PLD5: variants seen among roughly 807,000 people sequenced by gnomAD.
PLD5 encodes the protein phospholipase D family member 5.
PLD5 carries 36 observed loss-of-function variants against 61.1 expected under a neutral mutation model. The ratio of observed to expected loss-of-function variants is 0.59; its 90% CI spans 0.45 to 0.78. The LOEUF (loss-of-function observed/expected upper bound fraction) is 0.78, where lower values mean the gene tolerates loss of function less well. Ranked by LOEUF, PLD5 falls within the 30% of genes least tolerant of loss-of-function variation. The probability of loss-of-function intolerance (pLI) is 0.00; values close to 1 mark genes in which losing one functional copy is unlikely to be tolerated. For missense variants in PLD5, 515 were observed against 644.4 expected (o/e 0.80, Z 2.17); for synonymous variants, 243 against 242.8 (o/e 1.00, Z -0.01).
chr1:242,122,054 C>T (rs187876835), intron 6 of PLD5, among the ~76,000 whole-genome samples: 169 of 152,212 alleles, frequency 1.1e-3, no homozygotes, highest in Admixed American at 2.4e-3. Context: ...CAAACCTGCA[C>T]GTTGTGCACA....
chr1:242,112,380 C>G (rs1661600655), intron 7 of PLD5, among the ~76,000 whole-genome samples: 1 of 146,278 alleles, frequency 6.8e-6, no homozygotes, highest in African/African-American at 2.6e-5. Context: ...GTTGCCCAGG[C>G]TGGAGTACAG....
intron 5 of PLD5, among the ~76,000 whole-genome samples, chr1:242,206,859 C>T (rs1160705663): frequency 6.6e-6 from 1 of 152,050 alleles, no homozygotes; most frequent in Non-Finnish European, 1.5e-5. Flanking sequence ...AAAAAAAGTG[C>T]ATATAAGCAG....
At chr1:242,157,775 G>C (rs1008412909) in intron 5 of PLD5, among the ~76,000 whole-genome samples, 2 of 152,206 alleles carry the variant, frequency 1.3e-5, no homozygotes, top group East Asian at 1.9e-4. Context: ...GTGTCTCCCA[G>C]TCAGGATACA....
rs540178453 is a variant in PLD5, at chr1:242,135,218, A to AAT, written c.736-10555_736-10554dup. Among the ~76,000 whole-genome samples, 53 of 152,104 alleles carry AAT rather than the reference A, an allele frequency of 3.5e-4. 1 individual carries two copies. The highest frequency in any genetic ancestry group is 3.3e-3 in the South Asian group (16 of 4,802). On this transcript the variant is annotated intron_variant, in intron 5 of 9. Coordinates refer to ENST00000536534, the MANE Select transcript of PLD5 (RefSeq NM_001372062.1). ...ATACAGACATTTATATCTGCACATA[A>AAT]ATATATATATATGTATAATCAGCTT... is the stretch of plus-strand genomic sequence containing the variant.
At chr1:242,135,366 C>A (rs1034320665) in intron 5 of PLD5, among the ~76,000 whole-genome samples, 11 of 152,146 alleles carry the variant, frequency 7.2e-5, no homozygotes, top group Non-Finnish European at 1.5e-4. Context: ...TTCTGCCATA[C>A]CTTCTGCCAC....
At position 242,524,391 on chromosome 1, in the gene PLD5, TGAGCTGGAG is replaced by T; in HGVS notation, c.-124_-116del. On this transcript the variant is annotated 5_prime_UTR_variant, in exon 1 of 10. Coordinates refer to ENST00000536534, the MANE Select transcript of PLD5 (RefSeq NM_001372062.1). ...GGGAGCCGGAGGTGGAGCTGGAGAC[TGAGCTGGAG>T]GAGCTGGAGGAGCGAGCGGGCGCGG... 2.6e-5 allele frequency: 27 copies of T among 1,056,760 alleles called. No homozygotes were observed. Among genetic ancestry groups the T allele is most frequent in the East Asian group, 1.3e-4 (4 of 30,230 alleles). The allele number at this position is 1,056,760 out of a possible 1,614,324, so 65.5% of individuals were successfully genotyped here.
At chr1:242,340,353 C>T (rs1659758848) in intron 2 of PLD5, among the ~76,000 whole-genome samples, 1 of 151,966 alleles carries the variant, frequency 6.6e-6, no homozygotes, top group Non-Finnish European at 1.5e-5. Flanking sequence ...TTGGGAGCAA[C>T]ACTGTAATTT....
chr1:242,207,794 A>T lies in PLD5; in HGVS notation c.735+12194T>A, dbSNP rs367746235. ...TATATTTATATATATTTATATTTAT[A>T]TATATTTATATATATTTATATTTAT... On this transcript the variant is annotated intron_variant, in intron 5 of 9. Coordinates refer to ENST00000536534, the MANE Select transcript of PLD5 (RefSeq NM_001372062.1). 3.6e-3 allele frequency among the ~76,000 whole-genome samples: 325 copies of T among 91,296 alleles called. 18 individuals are homozygous for T. The highest frequency in any genetic ancestry group is 5.2e-3 in the Middle Eastern group (1 of 194). The allele number at this position is 91,296 out of a possible 152,430, so 59.9% of individuals were successfully genotyped here.
intron 5 of PLD5, among the ~76,000 whole-genome samples, chr1:242,218,848 A>G (rs148354691): frequency 5.4e-4 from 83 of 152,330 alleles, no homozygotes; most frequent in African/African-American, 1.9e-3. Flanking sequence ...AGATAAAATT[A>G]TAAGAGGAGT....
rs72761232 is a variant in PLD5, at chr1:242,118,187, G to A, written c.934-4161C>T. Among the ~76,000 whole-genome samples the A allele has an allele frequency of 8.5e-3, 1,297 of 152,270 alleles. 12 individuals are homozygous for A. The highest frequency in any genetic ancestry group is 0.013 in the Non-Finnish European group (903 of 68,026). On this transcript the variant is annotated intron_variant, in intron 6 of 9. Coordinates refer to ENST00000536534, the MANE Select transcript of PLD5 (RefSeq NM_001372062.1). ...CCAGACTCCAGCACTTAGAACCTGG[G>A]GCATCTTGGTGTGTCCCTTACACTT...
rs1296211458 is a variant in PLD5, at chr1:242,088,164, A to C, written c.*1690T>G. ...AATAACTGAGTGTTTCCTTGCTCTGAAAATACATGTATATTATGGTCCTGA... is the reference window on the plus strand; with the variant it reads ...AATAACTGAGTGTTTCCTTGCTCTGCAAATACATGTATATTATGGTCCTGA... On this transcript the variant is annotated 3_prime_UTR_variant, in exon 10 of 10. Coordinates refer to ENST00000536534, the MANE Select transcript of PLD5 (RefSeq NM_001372062.1). 2 of 152,236 alleles carry C rather than the reference A, an allele frequency of 1.3e-5. No homozygotes were observed. Among genetic ancestry groups the C allele is most frequent in the Non-Finnish European group, 2.9e-5 (2 of 68,044 alleles). The allele number at this position is 152,236 out of a possible 1,614,324, so 9.4% of individuals were successfully genotyped here.
chr1:242,150,682 G>T lies in PLD5; in HGVS notation c.736-26017C>A, dbSNP rs1244904930. Among the ~76,000 whole-genome samples the T allele has an allele frequency of 1.3e-5, 2 of 151,600 alleles. 1 individual carries two copies. The highest frequency in any genetic ancestry group is 4.8e-5 in the African/African-American group (2 of 41,348). On this transcript the variant is annotated intron_variant, in intron 5 of 9. Coordinates refer to ENST00000536534, the MANE Select transcript of PLD5 (RefSeq NM_001372062.1). ...AATTTTTAGAATCTTTTCATTTTTA[G>T]CCTATTTATATTTAAAGTGGCTTTT... is the stretch of plus-strand genomic sequence containing the variant.
chr1:242,401,092 C>T (rs1346584497), intron 1 of PLD5, among the ~76,000 whole-genome samples: 2 of 152,166 alleles, frequency 1.3e-5, no homozygotes, highest in African/African-American at 4.8e-5. Flanking sequence ...AAATTCTGTT[C>T]TTCCTCCCAT....
intron 5 of PLD5, among the ~76,000 whole-genome samples, chr1:242,129,314 C>A (rs766260248): frequency 2.6e-5 from 4 of 152,208 alleles, no homozygotes; most frequent in Non-Finnish European, 5.9e-5. Context: ...AGAAGCCAAG[C>A]ACTGCCCTCT....
At chr1:242,111,107 C>T (rs1424601380) in intron 7 of PLD5, among the ~76,000 whole-genome samples, 4 of 149,836 alleles carry the variant, frequency 2.7e-5, no homozygotes, top group Non-Finnish European at 3.0e-5. Flanking sequence ...CCCAGGCTGG[C>T]GTGCAATGGC....
At chr1:242,241,991 C>CTATATATATATA (rs71579089) in intron 4 of PLD5, among the ~76,000 whole-genome samples, 14 of 115,316 alleles carry the variant, frequency 1.2e-4, no homozygotes, top group African/African-American at 4.0e-4. Flanking sequence ...TATATACTTA[C>CTATATATATATA]TATATATATA....
intron 1 of PLD5, among the ~76,000 whole-genome samples, chr1:242,407,514 A>G (rs1664297698): frequency 6.6e-6 from 1 of 151,212 alleles, no homozygotes; most frequent in African/African-American, 2.4e-5. Flanking sequence ...ATGCATTTTT[A>G]TACACACATA....
At chr1:242,184,483 C>T (rs1280568361) in intron 5 of PLD5, among the ~76,000 whole-genome samples, 2 of 152,170 alleles carry the variant, frequency 1.3e-5, no homozygotes, top group East Asian at 3.9e-4. Flanking sequence ...ATTCTTGTGC[C>T]TCAGCCTTCC....
chr1:242,143,547 C>T (rs1664328878), intron 5 of PLD5, among the ~76,000 whole-genome samples: 1 of 152,160 alleles, frequency 6.6e-6, no homozygotes, highest in African/African-American at 2.4e-5. Flanking sequence ...CTGGCAGAGT[C>T]AGGAGGACAT....
Sources: gnomAD v4.1 joint callset for allele counts (sites outside exome capture counted in the v4.1 genomes callset) on GRCh38, gnomAD v4.1.1 for gene constraint, MANE v1.5 for transcripts, NCBI Gene and HGNC (gene_info 2026-07-23, HGNC 2026-07-21) for gene names.